The following HMCN2 variants were observed in gnomAD, a reference collection of about 807,000 sequenced individuals.
HMCN2 encodes the protein hemicentin 2.
HMCN2 carries 325 observed loss-of-function variants against 377.5 expected under a neutral mutation model. That is an observed-to-expected ratio of 0.86 (90% CI 0.79 to 0.94). The LOEUF (loss-of-function observed/expected upper bound fraction) is 0.94. Ranked by LOEUF, HMCN2 falls within the 40% of genes least tolerant of loss-of-function variation. HMCN2 has a pLI of 0.00. For synonymous variants in HMCN2, 2,007 were observed against 2,046.8 expected (o/e 0.98, Z 0.53); for missense variants, 4,543 against 4,725.3 (o/e 0.96, Z 1.13).
intron 34 of HMCN2, among the ~76,000 whole-genome samples, chr9:130,357,421 G>A (rs1019907078): frequency 2.6e-5 from 4 of 151,328 alleles, no homozygotes; most frequent in Non-Finnish European, 5.9e-5. Flanking sequence ...TGGATGGATG[G>A]AAGGGTGAGT....
intron 15 of HMCN2, among the ~76,000 whole-genome samples, chr9:130,314,925 G>C (rs1011137035): frequency 0.27 from 40,880 of 151,902 alleles, 5,762 homozygotes; most frequent in Non-Finnish European, 0.32. Context: ...GAGGCAGAGT[G>C]GGGGCCTTCA....
chr9:130,370,882 G>T, intron 45 of HMCN2, 82 bp from the exon 46 acceptor site: 1 of 857,000 alleles, frequency 1.2e-6, no homozygotes, highest in Non-Finnish European at 1.4e-6. Context: ...GGAGTTGGGG[G>T]GCAGTCAGTG....
intron 7 of HMCN2, among the ~76,000 whole-genome samples, 173 bp from the exon 8 acceptor site, chr9:130,298,852 A>G (rs191076945): frequency 2.6e-5 from 4 of 152,188 alleles, no homozygotes; most frequent in Admixed American, 2.0e-4. Flanking sequence ...GTCCCTATCT[A>G]CCTATCCCAC....
intron 25 of HMCN2, among the ~76,000 whole-genome samples, chr9:130,344,967 T>C (rs1325628859): frequency 6.7e-6 from 1 of 150,368 alleles, no homozygotes; most frequent in African/African-American, 2.5e-5. Context: ...TAGTGTGTAG[T>C]GTTTGGTGTA....
rs1839456690 is a variant in HMCN2 at position 130,347,648 on chromosome 9, C to T, written c.4024+288C>T. 6.6e-6 allele frequency among the ~76,000 whole-genome samples: 1 copy of T among 152,204 alleles called. No homozygotes were observed. The highest frequency in any genetic ancestry group is 2.4e-5 in the African/African-American group (1 of 41,526). On this transcript the variant is annotated intron_variant, in intron 26 of 97. Coordinates refer to ENST00000683500, the MANE Select transcript of HMCN2 (RefSeq NM_001291815.2). This position sits in a 1 kb window ranked among gnomAD's most constrained non-coding sequence, Gnocchi z 5.1. ...CCCCACTTCCCTAGAGAGACCCCCA[C>T]GGAGACAGTATGGGGGAAGCACCTG...
intron 26 of HMCN2, 41 bp from the exon 27 acceptor site, chr9:130,348,504 G>T: frequency 7.7e-7 from 1 of 1,298,006 alleles, no homozygotes; most frequent in South Asian, 1.2e-5. Flanking sequence ...GTGGCTCTAA[G>T]GGGGCAGGGA....
intron 15 of HMCN2, 61 bp downstream of exon 15, chr9:130,310,122 C>T: frequency 2.2e-6 from 1 of 453,368 alleles, no homozygotes. Flanking sequence ...CCTCTGCCTG[C>T]TTCTGAGTAG....
In HMCN2 at chr9:130,393,091, AG is replaced by A. The variant is rs1385485131; in HGVS notation, c.10137-119del. 3 of 523,788 alleles carry A rather than the reference AG, an allele frequency of 5.7e-6. No individual in the cohort carries two copies. Among genetic ancestry groups the A allele is most frequent in the Non-Finnish European group, 7.4e-6 (3 of 407,434 alleles). The allele number at this position is 523,788 out of a possible 1,614,324, so 32.4% of individuals were successfully genotyped here. A position where few individuals can be genotyped will look rare whatever the true frequency, so the allele number is the denominator to read the frequency against. On this transcript the variant is annotated intron_variant, in intron 66 of 97. Coordinates refer to ENST00000683500, the MANE Select transcript of HMCN2 (RefSeq NM_001291815.2). This position sits in a 1 kb window ranked among gnomAD's most constrained non-coding sequence, Gnocchi z 5.2. Reference sequence around the variant, plus strand: ...TGGCCAGCAAGCTCTTGGGAGACAAAGGTTGGAAAAGGGAGGAAGTCTTTCC... The same window carrying A: ...TGGCCAGCAAGCTCTTGGGAGACAAAGTTGGAAAAGGGAGGAAGTCTTTCC...
intron 85 of HMCN2, among the ~76,000 whole-genome samples, chr9:130,413,739 G>GCGCACACACACGCACGCGCACA (rs1564871959): frequency 1.3e-5 from 2 of 151,594 alleles, no homozygotes; most frequent in Non-Finnish European, 2.9e-5. Context: ...GCATGTGCAC[G>GCGCACACACACGCACGCGCACA]TGCGCACACA....
At chr9:130,382,351 G>A (rs1360621252) in intron 55 of HMCN2, 54 bp downstream of exon 55, 6 of 854,318 alleles carry the variant, frequency 7.0e-6, no homozygotes, top group Non-Finnish European at 8.5e-6. Flanking sequence ...CGCCGTAAGG[G>A]CCTCCCTCAG....
At chr9:130,300,230 CTATCCATCTATT>C (rs368968045) in intron 8 of HMCN2, among the ~76,000 whole-genome samples, 3 of 152,228 alleles carry the variant, frequency 2.0e-5, no homozygotes, top group East Asian at 1.9e-4. Flanking sequence ...ATTCACCTAT[CTATCCATCTATT>C]TATCCATCTA....
In HMCN2 at chr9:130,431,800, G is replaced by A. The variant is rs976751096; in HGVS notation, c.14767+314G>A. On this transcript the variant is annotated intron_variant, in intron 96 of 97. Coordinates refer to ENST00000683500, the MANE Select transcript of HMCN2 (RefSeq NM_001291815.2). ...CACCTCTCTAAGCCTCCGGCCTCCT[G>A]GTTAAATGGGGCTAGCACAGTCCCC... Among the ~76,000 whole-genome samples the A allele has an allele frequency of 2.0e-5, 3 of 152,234 alleles. No individual in the cohort carries two copies. The South Asian group carries it at 6.2e-4, about 31-fold the overall frequency.
In HMCN2 at chr9:130,392,121, A is replaced by G. The variant is rs146666262; in HGVS notation, c.10136+3A>G. The G allele has an allele frequency of 1.9e-4, 187 of 988,120 alleles. No individual in the cohort carries two copies. The highest frequency in any genetic ancestry group is 2.2e-4 in the Non-Finnish European group (180 of 830,152). 61.2% of individuals were successfully genotyped at this position (988,120 alleles called of 1,614,324 possible). On this transcript the variant is annotated splice_donor_region_variant and intron_variant, in intron 66 of 97. Coordinates refer to ENST00000683500, the MANE Select transcript of HMCN2 (RefSeq NM_001291815.2). ...CACGGCTCTGGCCACACCCTCAGGT[A>G]GGGGAGACGGTGGACAGGCCTTGGC... is the stretch of plus-strand genomic sequence containing the variant.
chr9:130,389,449 G>A (rs550724586), intron 62 of HMCN2, among the ~76,000 whole-genome samples: 5 of 152,136 alleles, frequency 3.3e-5, no homozygotes, highest in Non-Finnish European at 7.3e-5. Flanking sequence ...TTCTGTCTCT[G>A]TGGATTGGCC....
chr9:130,428,152 A>G lies in HMCN2; in HGVS notation c.14066-206A>G, dbSNP rs1844502097. ...CCTTGCATTGGAAGCTGCAGGCCCA[A>G]GGACTCGGGTCCCTTGGAGTGGGCC... On this transcript the variant is annotated intron_variant, in intron 92 of 97. Coordinates refer to ENST00000683500, the MANE Select transcript of HMCN2 (RefSeq NM_001291815.2). This position sits in a 1 kb window ranked among gnomAD's most constrained non-coding sequence, Gnocchi z 5.0. 6.6e-6 allele frequency among the ~76,000 whole-genome samples: 1 copy of G among 152,170 alleles called. No homozygotes were observed. The highest frequency in any genetic ancestry group is 2.4e-5 in the African/African-American group (1 of 41,440).
At chr9:130,306,602 C>T (rs781866781) in intron 12 of HMCN2, among the ~76,000 whole-genome samples, 4 of 151,846 alleles carry the variant, frequency 2.6e-5, no homozygotes, top group Non-Finnish European at 5.9e-5. Flanking sequence ...TCCCACCCCC[C>T]ACCATTCAGG....
At chr9:130,324,685 C>T (rs1268316749) in intron 19 of HMCN2, among the ~76,000 whole-genome samples, 7 of 152,024 alleles carry the variant, frequency 4.6e-5, no homozygotes, top group African/African-American at 1.2e-4. Context: ...AGTGCAGTGG[C>T]GCAATCCCAG....
chr9:130,380,546 G>A (rs1452096948), intron 54 of HMCN2, among the ~76,000 whole-genome samples: 2 of 152,132 alleles, frequency 1.3e-5, no homozygotes, highest in African/African-American at 4.8e-5. Context: ...CAGCACTTTG[G>A]GAGGCTGAGG....
At position 130,422,618 on chromosome 9, in the gene HMCN2, A is replaced by C. The variant is rs959228738; in HGVS notation, c.13273A>C (p.Asn4425His). 4.5e-6 allele frequency: 6 copies of C among 1,328,086 alleles called. No individual in the cohort carries two copies. Among genetic ancestry groups the C allele is most frequent in the Non-Finnish European group, 4.8e-6 (5 of 1,032,806 alleles). The allele number at this position is 1,328,086 out of a possible 1,614,324, so 82.3% of individuals were successfully genotyped here. A position where few individuals can be genotyped will look rare whatever the true frequency, so the allele number is the denominator to read the frequency against. The change falls in exon 87 of 98, where the codon AAT becomes CAT. Residue 4425 changes from asparagine (N) to histidine (H), a missense_variant. Coordinates refer to ENST00000683500, the MANE Select transcript of HMCN2 (RefSeq NM_001291815.2). This position sits in a 1 kb window ranked among gnomAD's most constrained non-coding sequence, Gnocchi z 4.2. The stretch of plus-strand genomic sequence containing the variant: ...CTGGGGCAGCATGACTGGGGTGATA[A>C]ATGGCCGGAAATTTGGCGTGGCCAC... ...GSWGSMTGVINGRKFGVATLN... is the reference protein window; with the variant it reads ...GSWGSMTGVIHGRKFGVATLN...
Sources: allele counts gnomAD v4.1 joint callset (sites outside exome capture counted in the v4.1 genomes callset), GRCh38; gene constraint gnomAD v4.1.1; non-coding constraint Gnocchi (gnomAD v3.1); transcripts MANE v1.5; gene names NCBI Gene and HGNC (gene_info 2026-07-23, HGNC 2026-07-21).